Variants in DZIP3 observed in about 807,000 individuals in gnomAD.
DZIP3 encodes DAZ interacting zinc finger protein 3, also known as E3 ubiquitin-protein ligase DZIP3.
DZIP3 carries 118 observed loss-of-function variants against 162.0 expected under a neutral mutation model. The ratio of observed to expected loss-of-function variants is 0.73; its 90% CI spans 0.63 to 0.85. The LOEUF is 0.85. DZIP3 is among the 40% of genes least tolerant of loss of function. The pLI, the probability that DZIP3 is intolerant of heterozygous loss-of-function variation, is 0.00. For synonymous variants in DZIP3, 438 were observed against 458.6 expected (o/e 0.96, Z 0.57); for missense variants, 1,331 against 1,407.0 (o/e 0.95, Z 0.86).
At chr3:108,691,387 TAAAAG>T (rs1412269841) in intron 32 of DZIP3, 1 of 60,758 alleles carries the variant, frequency 1.6e-5, no homozygotes, top group Non-Finnish European at 3.7e-5. Flanking sequence ...ATAATAATAA[TAAAAG>T]AAAAAAAAAA....
At chr3:108,603,740 CTT>C (rs1385893391) in intron 1 of DZIP3, among the ~76,000 whole-genome samples, 4 of 152,236 alleles carry the variant, frequency 2.6e-5, no homozygotes, top group Non-Finnish European at 4.4e-5. Context: ...ATTCTTGTCT[CTT>C]AATACTTTCT....
intron 4 of DZIP3, among the ~76,000 whole-genome samples, chr3:108,611,626 C>T (rs1940711554): frequency 6.6e-6 from 1 of 152,094 alleles, no homozygotes; most frequent in Non-Finnish European, 1.5e-5. Flanking sequence ...CTGTAACATG[C>T]CAGTCTGGGA....
rs781622900 is a variant in DZIP3 at position 108,675,776 on chromosome 3, T to C, written c.2694-10T>C. The C allele has an allele frequency of 5.7e-6, 9 of 1,591,420 alleles. No individual in the cohort carries two copies. In the South Asian group the frequency reaches 8.1e-5, roughly 14 times the overall value. On this transcript the variant is annotated splice_polypyrimidine_tract_variant and intron_variant, in intron 24 of 32. Transcript: ENST00000361582. ...AAGAGTTTTCTTTTGTGTCTCCTTTTCTACAACAGCAACCTAGAATCACTT... is the reference window on the plus strand; with the variant it reads ...AAGAGTTTTCTTTTGTGTCTCCTTTCCTACAACAGCAACCTAGAATCACTT...
intron 18 of DZIP3, among the ~76,000 whole-genome samples, chr3:108,652,298 T>C (rs1942902744): frequency 6.6e-6 from 1 of 151,860 alleles, no homozygotes; most frequent in Non-Finnish European, 1.5e-5. Flanking sequence ...TTTTCACATT[T>C]GTTCCATACT....
At chr3:108,666,668 T>G (rs929003130) in intron 21 of DZIP3, among the ~76,000 whole-genome samples, 1 of 151,938 alleles carries the variant, frequency 6.6e-6, no homozygotes, top group Non-Finnish European at 1.5e-5. Flanking sequence ...AACAACAAAT[T>G]TAAGAGTTGA....
chr3:108,657,422 A>G (rs1234366445), intron 19 of DZIP3, among the ~76,000 whole-genome samples: 1 of 152,238 alleles, frequency 6.6e-6, no homozygotes, highest in African/African-American at 2.4e-5. Context: ...AAAATCCTTT[A>G]CAGACAAGCA....
Position 108,675,813 on chromosome 3 carries a change from T to C in DZIP3, c.2721T>C (p.Ala907=). Residue 907 remains alanine, a synonymous_variant, in exon 25 of 33, where the codon GCT becomes GCC. Transcript: ENST00000361582. ...ASNLESLQLK[A]AVDSWNAIVA... is the part of the protein sequence containing the mutation. ...ACCTAGAATCACTTCAATTAAAGGC[T>C]GCGGTAGACAGTTGGAATGCCATTG... 1 of 1,609,596 alleles carries C rather than the reference T, an allele frequency of 6.2e-7. No homozygotes were observed. The highest frequency in any genetic ancestry group is 8.5e-7 in the Non-Finnish European group (1 of 1,177,826).
rs780187127 is a variant in DZIP3, at chr3:108,644,403, C to A, written c.1381C>A (p.Gln461Lys). The A allele has an allele frequency of 6.2e-7, 1 of 1,614,084 alleles. No individual in the cohort carries two copies. The highest frequency in any genetic ancestry group is 8.5e-7 in the Non-Finnish European group (1 of 1,179,978). ...LLYPPNKELPQSKQFDLCLLL... is the reference protein window; with the variant it reads ...LLYPPNKELPKSKQFDLCLLL... Reference sequence around the variant, plus strand: ...TTATCCTCCTAACAAGGAGTTACCGCAATCCAAACAGTTTGACTTATGCCT... The same window carrying A: ...TTATCCTCCTAACAAGGAGTTACCGAAATCCAAACAGTTTGACTTATGCCT... The change falls in exon 14 of 33, where the codon CAA becomes AAA. Residue 461 changes from glutamine to lysine, a missense_variant. This residue lies in a region of DZIP3 where 1,278 missense variants were observed against 1,317.1 expected (regional missense o/e 0.97). Transcript: ENST00000361582.
At chr3:108,634,303 C>T (rs1942039150) in intron 9 of DZIP3, among the ~76,000 whole-genome samples, 1 of 152,118 alleles carries the variant, frequency 6.6e-6, no homozygotes, top group Non-Finnish European at 1.5e-5. Context: ...CAACAGCATG[C>T]AGCAGCAGGA....
chr3:108,692,816 CATTTA>C (rs1944746557), intron 32 of DZIP3, among the ~76,000 whole-genome samples: 1 of 151,296 alleles, frequency 6.6e-6, no homozygotes, highest in Non-Finnish European at 1.5e-5. Flanking sequence ...TTTGTCCAAT[CATTTA>C]AAACAAATTT....
At chr3:108,616,484 CAT>C in intron 4 of DZIP3, 55 bp from the exon 5 acceptor site, 1 of 1,123,570 alleles carries the variant, frequency 8.9e-7, no homozygotes, top group Non-Finnish European at 1.3e-6. Flanking sequence ...ATAATGTAAA[CAT>C]ATGTAGATGT....
chr3:108,617,915 G>A (rs951455728), intron 5 of DZIP3, among the ~76,000 whole-genome samples: 2 of 152,176 alleles, frequency 1.3e-5, no homozygotes, highest in Admixed American at 1.3e-4. Context: ...ATGAGTCTTA[G>A]ACTAGGAAAT....
intron 32 of DZIP3, 83 bp downstream of exon 32, chr3:108,690,986 AAT>A: frequency 8.8e-7 from 1 of 1,135,196 alleles, no homozygotes; most frequent in Non-Finnish European, 1.3e-6. Flanking sequence ...TGTGCTCTTC[AAT>A]ATAGTGCTAA....
Position 108,644,556 on chromosome 3 carries a change from C to G in DZIP3, c.1534C>G (p.Leu512Val). The G allele has an allele frequency of 1.9e-6, 3 of 1,614,094 alleles. No homozygotes were observed. Among genetic ancestry groups the G allele is most frequent in the Non-Finnish European group, 2.5e-6 (3 of 1,179,978 alleles). Residue 512 changes from leucine to valine, a missense_variant, in exon 14 of 33, where the codon CTC (leucine) becomes GTC (valine). By Grantham distance (32) the Leu-to-Val change is conservative (BLOSUM62 1). Around this residue, in one of 2 missense-constraint regions of DZIP3, gnomAD observed 1,278 missense variants for 1,317.1 expected, o/e 0.97. Transcript: ENST00000361582. Reference protein sequence around the residue: ...ILRLCKYRDILLSEILMNGLT... With the variant: ...ILRLCKYRDIVLSEILMNGLT... ...GAGACTGTGCAAATACAGGGATATCCTCCTTAGTGAGATTTTGATGAATGG... is the reference window on the plus strand; with the variant it reads ...GAGACTGTGCAAATACAGGGATATCGTCCTTAGTGAGATTTTGATGAATGG...
At chr3:108,594,300 A>G (rs558939409) in intron 1 of DZIP3, among the ~76,000 whole-genome samples, 2 of 152,038 alleles carry the variant, frequency 1.3e-5, no homozygotes, top group African/African-American at 4.8e-5. Context: ...GTATACATTC[A>G]TCTTTTATTT....
In DZIP3 at chr3:108,634,973, G is replaced by A. The variant is rs1436106073; in HGVS notation, c.918+1G>A. The stretch of plus-strand genomic sequence containing the variant: ...AAAGTATCCAGGTGAAAATGATCAG[G>A]TATTATATTCGTTCTTAAAACTACA... On this transcript the variant is annotated splice_donor_variant, in intron 10 of 32. Transcript: ENST00000361582. LOFTEE classifies it high-confidence loss of function. 2 of 1,544,462 alleles carry A rather than the reference G, an allele frequency of 1.3e-6. No homozygotes were observed. Among genetic ancestry groups the A allele is most frequent in the Admixed American group, 1.8e-5 (1 of 56,514 alleles).
intron 1 of DZIP3, among the ~76,000 whole-genome samples, chr3:108,600,941 CT>C (rs1939979087): frequency 6.6e-6 from 1 of 152,164 alleles, no homozygotes. Context: ...AATTAATAAA[CT>C]TTCTCTGTGC....
chr3:108,690,238 A>T (rs1340862849), intron 31 of DZIP3, among the ~76,000 whole-genome samples: 1 of 152,158 alleles, frequency 6.6e-6, no homozygotes, highest in Non-Finnish European at 1.5e-5. Flanking sequence ...GCCCTCCATT[A>T]TTTATATACG....
At chr3:108,629,738 T>G (rs984939231) in intron 8 of DZIP3, among the ~76,000 whole-genome samples, 6 of 151,822 alleles carry the variant, frequency 4.0e-5, no homozygotes, top group Non-Finnish European at 8.8e-5. Flanking sequence ...TTCTCAGTCA[T>G]TAGACTATTA....
Sources: allele counts gnomAD v4.1 joint callset (sites outside exome capture counted in the v4.1 genomes callset), GRCh38; gene constraint gnomAD v4.1.1; regional missense constraint gnomAD v4.1.1; transcripts MANE v1.5; gene names NCBI Gene and HGNC (gene_info 2026-07-23, HGNC 2026-07-21).